The following GCFC2 variants were observed in gnomAD, a reference collection of about 807,000 sequenced individuals.
The protein encoded by GCFC2 is GC-rich sequence DNA-binding factor 2.
Under a neutral mutation model 99.4 loss-of-function variants are expected in GCFC2, and 102 were observed. That is an observed-to-expected ratio of 1.03 (90% confidence interval 0.87 to 1.21). GCFC2 has a LOEUF of 1.21. Ranked by LOEUF, GCFC2 falls within the 50% of genes most tolerant of loss-of-function variation. The probability of loss-of-function intolerance (pLI) is 0.00; values close to 1 mark genes in which losing one functional copy is unlikely to be tolerated. For missense variants in GCFC2, 973 were observed against 920.9 expected (o/e 1.06, Z -0.73); for synonymous variants, 338 against 316.8 (o/e 1.07, Z -0.71).
intron 1 of GCFC2, among the ~76,000 whole-genome samples, chr2:75,707,817 CT>C (rs1188049573): frequency 6.6e-6 from 1 of 152,166 alleles, no homozygotes; most frequent in Non-Finnish European, 1.5e-5. Flanking sequence ...GGTAAAACTG[CT>C]AGGCTCTTGG....
At chr2:75,679,951 G>C (rs1398944621) in intron 12 of GCFC2, 1 of 464,742 alleles carries the variant, frequency 2.2e-6, no homozygotes, top group Non-Finnish European at 3.8e-6. Flanking sequence ...GAAGTATCAA[G>C]GTATATTCTT....
intron 1 of GCFC2, 164 bp downstream of exon 1, chr2:75,710,427 A>G (rs548711519): frequency 7.3e-7 from 1 of 1,362,616 alleles, no homozygotes; most frequent in Non-Finnish European, 9.4e-7. Flanking sequence ...TGCTCGAGCT[A>G]TTTTCTCGCT....
chr2:75,689,501 G>T (rs1450371490), intron 9 of GCFC2, among the ~76,000 whole-genome samples: 3 of 151,970 alleles, frequency 2.0e-5, no homozygotes, highest in African/African-American at 7.2e-5. Flanking sequence ...CTTATTTACA[G>T]ACAAAACAAC....
rs1558752247 is a variant in GCFC2, at chr2:75,702,275, C to G, written c.543G>C (p.Glu181Asp). The change falls in exon 3 of 17, where the codon GAG becomes GAC. Residue 181 changes from glutamate to aspartate, a missense_variant. Glu to Asp is a conservative substitution (Grantham distance 45, BLOSUM62 2). Transcript: ENST00000321027. ...KRESEDDPESEPDDHEKRIPF... is the reference protein window; with the variant it reads ...KRESEDDPESDPDDHEKRIPF... ...GTATTCTCTTTTCATGGTCATCAGG[C>G]TCACTCTCAGGGTCATCTTCGCTCT... is the stretch of plus-strand genomic sequence containing the variant. 1.2e-6 allele frequency: 2 copies of G among 1,613,536 alleles called. No homozygotes were observed. Among genetic ancestry groups the G allele is most frequent in the Non-Finnish European group, 1.7e-6 (2 of 1,179,468 alleles).
At chr2:75,705,027 A>T (rs1680777387) in intron 2 of GCFC2, among the ~76,000 whole-genome samples, 3 of 152,216 alleles carry the variant, frequency 2.0e-5, no homozygotes, top group Non-Finnish European at 4.4e-5. Flanking sequence ...CTATGTGAGT[A>T]TTCAAATATA....
chr2:75,689,067 G>C lies in GCFC2; in HGVS notation c.1498C>G (p.Pro500Ala). 1 of 1,594,852 alleles carries C rather than the reference G, an allele frequency of 6.3e-7. No homozygotes were observed. Among genetic ancestry groups the C allele is most frequent in the Non-Finnish European group, 8.6e-7 (1 of 1,165,786 alleles). The part of the protein sequence containing the change: ...ISLCIPKLLN[P>A]LIRVQLIDWN... ...TCAATCAACTGAACTCGTATTAGGG[G>C]ATTTAAAAGCTTTGGTATGCATAAA... The change falls in exon 10 of 17, where the codon CCC becomes GCC. Residue 500 changes from proline (P) to alanine (A), a missense_variant. Physicochemically the swap from Pro to Ala is conservative, Grantham distance 27. Coordinates refer to ENST00000321027, the MANE Select transcript of GCFC2 (RefSeq NM_003203.5).
chr2:75,673,117 T>C lies in GCFC2; in HGVS notation c.1889+327A>G, dbSNP rs531884630. Among the ~76,000 whole-genome samples the C allele has an allele frequency of 4.3e-4, 65 of 152,242 alleles. No homozygotes were observed. The South Asian group carries it at 0.013, about 31-fold the overall frequency. On this transcript the variant is annotated intron_variant, in intron 13 of 16. Transcript: ENST00000321027. ...CAAGGTCAGGAGATCGAGACCATCC[T>C]GGCTAACATGGTGAAACCCCATCTC...
chr2:75,690,759 A>C (rs992159754), intron 7 of GCFC2, 40 bp from the exon 8 acceptor site: 24 of 928,696 alleles, frequency 2.6e-5, no homozygotes, highest in Non-Finnish European at 4.0e-5. Context: ...ACAAATTCTC[A>C]AAAGAAAAAA....
At chr2:75,712,590 A>G (rs536995057), upstream of GCFC2, among the ~76,000 whole-genome samples, 22 of 152,284 alleles carry the variant, frequency 1.4e-4, no homozygotes, top group African/African-American at 3.9e-4. Context: ...CCCCTTCCAC[A>G]GTGTGGAAGC....
intron 11 of GCFC2, among the ~76,000 whole-genome samples, chr2:75,681,466 C>T (rs372708293): frequency 6.6e-6 from 1 of 151,928 alleles, no homozygotes; most frequent in Non-Finnish European, 1.5e-5. Flanking sequence ...GTGCCTACCC[C>T]ACCAGGGCTG....
Position 75,673,093 on chromosome 2 carries a change from A to G in GCFC2, c.1889+351T>C, listed in dbSNP as rs546308217. On this transcript the variant is annotated intron_variant, in intron 13 of 16. Transcript: ENST00000321027. ...TGGGAGGCCAAGGCGGGCGGATCAC[A>G]AGGTCAGGAGATCGAGACCATCCTG... Among the ~76,000 whole-genome samples the G allele has an allele frequency of 8.7e-3, 1,323 of 152,166 alleles. 6 individuals are homozygous for G. Among genetic ancestry groups the G allele is most frequent in the Admixed American group, 0.014 (220 of 15,286 alleles).
At position 75,696,309 on chromosome 2, in the gene GCFC2, C is replaced by CATAGA; in HGVS notation, c.723_724insTCTAT (p.Asp242SerfsTer4). On this transcript the variant is annotated frameshift_variant, in exon 5 of 17. Transcript: ENST00000321027. LOFTEE classifies it high-confidence loss of function. The stretch of plus-strand genomic sequence containing the variant: ...CCATTGCCACAGGAAAGATCTATGT[C>CATAGA]TCTTTCCTAAAAAAGTAAAAATAGA... 1.6e-6 allele frequency: 2 copies of CATAGA among 1,246,980 alleles called. No individual in the cohort carries two copies. Among genetic ancestry groups the CATAGA allele is most frequent in the Non-Finnish European group, 2.3e-6 (2 of 854,348 alleles). The allele number at this position is 1,246,980 out of a possible 1,614,324, so 77.2% of individuals were successfully genotyped here.
chr2:75,667,615 C>A (rs555556292), intron 15 of GCFC2, among the ~76,000 whole-genome samples: 1 of 152,102 alleles, frequency 6.6e-6, no homozygotes, highest in Admixed American at 6.5e-5. Flanking sequence ...TTAAAACCAC[C>A]CTTTACTATT....
chr2:75,710,971 TC>T (rs1376648686), upstream of GCFC2: 1 of 1,365,602 alleles, frequency 7.3e-7, no homozygotes, highest in Non-Finnish European at 9.4e-7. Flanking sequence ...CGCGCGCCCG[TC>T]CCGCCTGCCT....
At position 75,700,572 on chromosome 2, in the gene GCFC2, G is replaced by A. The variant is rs73939106; in HGVS notation, c.717+618C>T. Among the ~76,000 whole-genome samples the A allele has an allele frequency of 7.0e-3, 1,063 of 152,130 alleles. 8 individuals carry two copies. The highest frequency in any genetic ancestry group is 0.024 in the African/African-American group (1,014 of 41,482). ...TATATTTGTATTATACAGAACAGGC[G>A]TTTAAAAGTAAAGCTTGAGGGCTAA... is the stretch of plus-strand genomic sequence containing the variant. On this transcript the variant is annotated intron_variant, in intron 4 of 16. Transcript: ENST00000321027.
chr2:75,700,764 C>T (rs1051341746), intron 4 of GCFC2, among the ~76,000 whole-genome samples: 14 of 152,272 alleles, frequency 9.2e-5, no homozygotes, highest in African/African-American at 3.4e-4. Context: ...ACATCCATGA[C>T]ATAATCCCTG....
At chr2:75,676,956 G>C (rs1679369609) in intron 12 of GCFC2, among the ~76,000 whole-genome samples, 1 of 152,024 alleles carries the variant, frequency 6.6e-6, no homozygotes, top group Non-Finnish European at 1.5e-5. Flanking sequence ...TAAAAATATT[G>C]AACAGGGCAA....
intron 11 of GCFC2, among the ~76,000 whole-genome samples, chr2:75,680,605 A>G (rs1679531295): frequency 6.6e-6 from 1 of 152,058 alleles, no homozygotes; most frequent in Non-Finnish European, 1.5e-5. Context: ...AAACACATTA[A>G]CTTGATCACT....
At position 75,710,787 on chromosome 2, in the gene GCFC2, C is replaced by A. The variant is rs1015341559; in HGVS notation, c.69G>T (p.Glu23Asp). 4 of 1,576,642 alleles carry A rather than the reference C, an allele frequency of 2.5e-6. No homozygotes were observed. Among genetic ancestry groups the A allele is most frequent in the Non-Finnish European group, 3.4e-6 (4 of 1,166,962 alleles). Reference protein sequence around the residue: ...AADSSDSDGAEESPAEPGAPR... With the variant: ...AADSSDSDGADESPAEPGAPR... ...GCGCCCCAGGCTCAGCAGGCGACTC[C>A]TCGGCGCCATCGCTGTCGCTGGAAT... Residue 23 changes from glutamate (E) to aspartate (D), a missense_variant, in exon 1 of 17, where the codon GAG becomes GAT. Glu to Asp is a conservative substitution (Grantham distance 45). Coordinates refer to ENST00000321027, the MANE Select transcript of GCFC2 (RefSeq NM_003203.5).
Sources: allele counts gnomAD v4.1 joint callset (sites outside exome capture counted in the v4.1 genomes callset), GRCh38; gene constraint gnomAD v4.1.1; transcripts MANE v1.5; gene names NCBI Gene and HGNC (gene_info 2026-07-23, HGNC 2026-07-21).